TRAPPC9: variants seen among roughly 807,000 people sequenced by gnomAD.
The protein encoded by TRAPPC9 is IKK2 binding protein.
In TRAPPC9, 83 loss-of-function variants were observed where a neutral mutation model predicts 124.0. The ratio of observed to expected loss-of-function variants is 0.67; its 90% confidence interval spans 0.56 to 0.80. The LOEUF is 0.80. Ranked by LOEUF, TRAPPC9 falls within the 30% of genes least tolerant of loss-of-function variation. TRAPPC9 has a pLI of 0.00. For synonymous variants in TRAPPC9, 638 were observed against 617.5 expected (o/e 1.03, Z -0.49); for missense variants, 1,302 against 1,508.3 (o/e 0.86, Z 2.27).
intron 17 of TRAPPC9, among the ~76,000 whole-genome samples, chr8:140,058,786 G>A (rs987265751): frequency 2.0e-5 from 3 of 152,190 alleles, no homozygotes; most frequent in African/African-American, 4.8e-5. Flanking sequence ...GCAGGGAGCC[G>A]CATGCAACTC....
At chr8:139,854,959 C>A (rs1187998799) in intron 21 of TRAPPC9, among the ~76,000 whole-genome samples, 1 of 152,186 alleles carries the variant, frequency 6.6e-6, no homozygotes, top group Admixed American at 6.5e-5. Flanking sequence ...GGGTACCGAG[C>A]CTTGGCATGG....
rs35511380 is a variant in TRAPPC9 at position 140,249,597 on chromosome 8, C to CTTTTTT, written c.2431+3174_2431+3179dup. Among the ~76,000 whole-genome samples the CTTTTTT allele has an allele frequency of 1.9e-3, 157 of 81,940 alleles. 1 individual carries two copies. The highest frequency in any genetic ancestry group is 2.7e-3 in the African/African-American group (51 of 18,786). The allele number at this position is 81,940 out of a possible 152,430, so 53.8% of individuals were successfully genotyped here. ...AAGTGCAGGCAAATCATCTTTCACT[C>CTTTTTT]TTTTTTTTTTTTTTTTTTTTTTTTG... On this transcript the variant is annotated intron_variant, in intron 16 of 22. Transcript: ENST00000438773.
intron 21 of TRAPPC9, among the ~76,000 whole-genome samples, chr8:139,741,139 G>A (rs78194575): frequency 0.068 from 10,337 of 152,232 alleles, 388 homozygotes; most frequent in Middle Eastern, 0.12. Flanking sequence ...TCCCCCTTGG[G>A]CGTGACACTC....
chr8:139,857,070 A>AC (rs1827847227), intron 21 of TRAPPC9, among the ~76,000 whole-genome samples: 1 of 47,764 alleles, frequency 2.1e-5, no homozygotes, highest in South Asian at 8.3e-4. Flanking sequence ...GTTCAGACAG[A>AC]GGTGAAAGAG....
chr8:139,824,505 C>T (rs762389962), intron 21 of TRAPPC9, among the ~76,000 whole-genome samples: 6 of 152,054 alleles, frequency 3.9e-5, no homozygotes, highest in Non-Finnish European at 8.8e-5. Flanking sequence ...TGGGAACACC[C>T]GTTTTAAGGG....
intron 21 of TRAPPC9, among the ~76,000 whole-genome samples, chr8:139,800,673 A>G (rs961429027): frequency 2.0e-5 from 3 of 152,174 alleles, no homozygotes; most frequent in Admixed American, 2.0e-4. Context: ...GAGGTCCCAG[A>G]GCTGGTCCAT....
intron 17 of TRAPPC9, among the ~76,000 whole-genome samples, chr8:140,124,258 G>A (rs1028700342): frequency 3.9e-5 from 6 of 152,166 alleles, no homozygotes; most frequent in African/African-American, 1.4e-4. Flanking sequence ...GGTGCAGGGG[G>A]GGCTCTGCCT....
chr8:140,042,492 G>C (rs1433358400), intron 17 of TRAPPC9, among the ~76,000 whole-genome samples: 2 of 152,176 alleles, frequency 1.3e-5, no homozygotes, highest in African/African-American at 4.8e-5. Flanking sequence ...ATCTTCCTGA[G>C]AAAGACCAAG....
At chr8:140,370,126 ATGT>A (rs2068236846) in intron 8 of TRAPPC9, among the ~76,000 whole-genome samples, 1 of 80,866 alleles carries the variant, frequency 1.2e-5, no homozygotes, top group Non-Finnish European at 2.3e-5. Flanking sequence ...CCCCTCAAAA[ATGT>A]TTTTTTTTTT....
intron 17 of TRAPPC9, among the ~76,000 whole-genome samples, chr8:140,032,579 A>G (rs2131974146): frequency 6.6e-6 from 1 of 152,348 alleles, no homozygotes; most frequent in African/African-American, 2.4e-5. Context: ...GGTTATTTGT[A>G]GACATGTGTG....
chr8:140,006,253 T>G (rs955408377), intron 18 of TRAPPC9, among the ~76,000 whole-genome samples: 1 of 152,224 alleles, frequency 6.6e-6, no homozygotes, highest in East Asian at 1.9e-4. Context: ...GATAACTGTT[T>G]CTAATTTTTT....
At chr8:140,224,321 C>T (rs908112766) in intron 16 of TRAPPC9, among the ~76,000 whole-genome samples, 1 of 152,184 alleles carries the variant, frequency 6.6e-6, no homozygotes, top group Admixed American at 6.5e-5. Context: ...AGAGAGCTAA[C>T]AAGAACTACA....
chr8:140,342,246 GTC>G (rs1170454208), intron 9 of TRAPPC9, among the ~76,000 whole-genome samples: 6 of 152,082 alleles, frequency 3.9e-5, no homozygotes. Context: ...ATTGCAGAAG[GTC>G]CCTTTCGATA....
In TRAPPC9 at chr8:140,371,631, A is replaced by G. The variant is rs1296572996; in HGVS notation, c.1135-451T>C. Among the ~76,000 whole-genome samples the G allele has an allele frequency of 2.8e-4, 4 of 14,346 alleles. No individual in the cohort carries two copies. The East Asian group carries it at 4.4e-3, about 16-fold the overall frequency. 9.4% of individuals were successfully genotyped at this position (14,346 alleles called of 152,430 possible). Reference sequence around the variant, plus strand: ...TCAGACTTAAGACTTCAGGGTTTACAAAAGTTTTCTTTCATCCAAGACCCA... The same window carrying G: ...TCAGACTTAAGACTTCAGGGTTTACGAAAGTTTTCTTTCATCCAAGACCCA... On this transcript the variant is annotated intron_variant, in intron 7 of 22. Transcript: ENST00000438773.
At chr8:140,427,715 A>C (rs908381683) in intron 4 of TRAPPC9, among the ~76,000 whole-genome samples, 63 of 152,196 alleles carry the variant, frequency 4.1e-4, no homozygotes, top group Non-Finnish European at 4.4e-5. Flanking sequence ...CAATAATCTT[A>C]TGGAAATAGC....
At chr8:140,183,942 G>A (rs1157262741) in intron 17 of TRAPPC9, among the ~76,000 whole-genome samples, 7 of 57,076 alleles carry the variant, frequency 1.2e-4, no homozygotes, top group Non-Finnish European at 7.8e-5. Context: ...GAGAGGAGAG[G>A]AGAGGAGAGG....
chr8:139,741,394 C>G (rs964775348), intron 21 of TRAPPC9, among the ~76,000 whole-genome samples: 1 of 152,164 alleles, frequency 6.6e-6, no homozygotes, highest in Non-Finnish European at 1.5e-5. Context: ...CTTGAGGTGG[C>G]GAGTGGCTCA....
At chr8:140,212,484 CAATTTTTGCTTAA>C (rs2063082791) in intron 17 of TRAPPC9, among the ~76,000 whole-genome samples, 1 of 152,090 alleles carries the variant, frequency 6.6e-6, no homozygotes, top group Non-Finnish European at 1.5e-5. Flanking sequence ...AGTAGATGCT[CAATTTTTGCTTAA>C]AATTTTTGCA....
chr8:139,954,700 CT>C, intron 19 of TRAPPC9, among the ~76,000 whole-genome samples: 1 of 152,204 alleles, frequency 6.6e-6, no homozygotes, highest in Admixed American at 6.5e-5. Context: ...GTGTTATTAC[CT>C]TCACTGCCAC....
Sources: gnomAD v4.1 joint callset for allele counts (sites outside exome capture counted in the v4.1 genomes callset) on GRCh38, gnomAD v4.1.1 for gene constraint, MANE v1.5 for transcripts, NCBI Gene and HGNC (gene_info 2026-07-23, HGNC 2026-07-21) for gene names.